The following BCL9 variants were observed in gnomAD, a reference collection of about 807,000 sequenced individuals.
BCL9 encodes the protein BCL9 transcription coactivator.
In BCL9, 25 loss-of-function variants were observed where a neutral mutation model predicts 88.5. The observed-to-expected ratio is 0.28, with a 90% CI of 0.21 to 0.39. BCL9 has a LOEUF of 0.39. BCL9 is among the 10% of genes least tolerant of loss of function. The pLI is 1.00. For missense variants in BCL9, 1,817 were observed against 1,877.8 expected (o/e 0.97, Z 0.60); for synonymous variants, 711 against 673.3 (o/e 1.06, Z -0.87).
chr1:147,605,976 T>C (rs587727609), intron 2 of BCL9, among the ~76,000 whole-genome samples: 25 of 152,358 alleles, frequency 1.6e-4, no homozygotes, highest in Middle Eastern at 3.4e-3. Context: ...TAGATTAATT[T>C]GTGAATTTAA....
At chr1:147,603,774 G>C (rs191768402) in intron 1 of BCL9, among the ~76,000 whole-genome samples, 39 of 152,142 alleles carry the variant, frequency 2.6e-4, no homozygotes, top group African/African-American at 8.4e-4. Context: ...CTCCCAAAGT[G>C]TTGGGATTGC....
intron 1 of BCL9, among the ~76,000 whole-genome samples, chr1:147,566,348 G>T (rs1553196673): frequency 6.6e-6 from 1 of 152,198 alleles, no homozygotes; most frequent in Non-Finnish European, 1.5e-5. Flanking sequence ...ATAGGCAGGA[G>T]TGGGTCTAGG....
intron 1 of BCL9, among the ~76,000 whole-genome samples, chr1:147,598,797 G>A (rs1339703915): frequency 6.6e-6 from 1 of 152,212 alleles, no homozygotes; most frequent in Non-Finnish European, 1.5e-5. Context: ...CAAGGACAGA[G>A]GTGTAACAAC....
chr1:147,583,333 A>G (rs12756655), intron 1 of BCL9, among the ~76,000 whole-genome samples: 1 of 151,972 alleles, frequency 6.6e-6, no homozygotes, highest in African/African-American at 2.4e-5. Context: ...GCTGGAGTGT[A>G]TGGGTGCAAT....
At position 147,571,426 on chromosome 1, in the gene BCL9, G is replaced by A. The variant is rs587615469; in HGVS notation, c.-478+29752G>A. ...TGTATTTTAGACATAGGCAAGAGTGGTTTCAGGTTTTCTAATCTCCAAAAA... is the reference window on the plus strand; with the variant it reads ...TGTATTTTAGACATAGGCAAGAGTGATTTCAGGTTTTCTAATCTCCAAAAA... On this transcript the variant is annotated intron_variant, in intron 1 of 9. Coordinates refer to ENST00000234739, the MANE Select transcript of BCL9 (RefSeq NM_004326.4). Among the ~76,000 whole-genome samples the A allele has an allele frequency of 1.1e-4, 16 of 152,146 alleles. No individual in the cohort carries two copies. The South Asian group carries it at 2.3e-3, about 22-fold the overall frequency.
rs782398988 is a variant in BCL9, at chr1:147,619,077, A to G, written c.922A>G (p.Thr308Ala). The G allele has an allele frequency of 1.2e-6, 2 of 1,613,168 alleles. No homozygotes were observed. Among genetic ancestry groups the G allele is most frequent in the South Asian group, 1.1e-5 (1 of 90,940 alleles). Residue 308 changes from threonine to alanine, a missense_variant, in exon 8 of 10, where the codon ACT becomes GCT. Coordinates refer to ENST00000234739, the MANE Select transcript of BCL9 (RefSeq NM_004326.4). The surrounding 1 kb of genome is among the most constrained non-coding windows in gnomAD (Gnocchi z 4.1). ...CCCAGATGGTACTGGGCCCAACTCA[A>G]CTCCCAACAATAGGGCAGTGACCCC... ...LPPDGTGPNSTPNNRAVTPVS... is the reference protein window; with the variant it reads ...LPPDGTGPNSAPNNRAVTPVS...
chr1:147,582,210 T>G (rs1432646705), intron 1 of BCL9, among the ~76,000 whole-genome samples: 1 of 152,266 alleles, frequency 6.6e-6, no homozygotes, highest in Non-Finnish European at 1.5e-5. Context: ...ATAAAACGTT[T>G]CTGTGAAAGA....
intron 1 of BCL9, among the ~76,000 whole-genome samples, chr1:147,602,648 A>G (rs1657455223): frequency 6.6e-6 from 1 of 152,224 alleles, no homozygotes; most frequent in African/African-American, 2.4e-5. Context: ...ATATAAGATG[A>G]TAATGGTTTC....
chr1:147,604,288 A>C (rs1490235425), intron 1 of BCL9, among the ~76,000 whole-genome samples: 7 of 152,182 alleles, frequency 4.6e-5, no homozygotes, highest in Non-Finnish European at 1.0e-4. Context: ...GTGGGATCCC[A>C]AGTTAAGAAC....
intron 1 of BCL9, among the ~76,000 whole-genome samples, chr1:147,550,279 A>G (rs1654827389): frequency 6.6e-6 from 1 of 152,156 alleles, no homozygotes; most frequent in Non-Finnish European, 1.5e-5. Context: ...AGTACGAACC[A>G]TGGAAGGGCC....
chr1:147,573,123 C>CA (rs1655956646), intron 1 of BCL9, among the ~76,000 whole-genome samples: 1 of 152,112 alleles, frequency 6.6e-6, no homozygotes, highest in Non-Finnish European at 1.5e-5. Flanking sequence ...ATTAGACACA[C>CA]AATAAAGACT....
chr1:147,541,951 G>C (rs2101444791), intron 1 of BCL9, among the ~76,000 whole-genome samples: 1 of 152,226 alleles, frequency 6.6e-6, no homozygotes, highest in South Asian at 2.1e-4. Flanking sequence ...AAAAGAGAGA[G>C]AGAGAGGGAG....
rs145861231 is a variant in BCL9, at chr1:147,624,836, C to G, written c.4158C>G (p.Gly1386=). 6.2e-7 allele frequency: 1 copy of G among 1,614,120 alleles called. No individual in the cohort carries two copies. Among genetic ancestry groups the G allele is most frequent in the Non-Finnish European group, 8.5e-7 (1 of 1,180,004 alleles). Residue 1386 remains glycine, a synonymous_variant, in exon 10 of 10, where the codon GGC becomes GGG. Transcript: ENST00000234739. This position sits in a 1 kb window ranked among gnomAD's most constrained non-coding sequence, Gnocchi z 4.4. ...GSPGMMMSMQ[G]MMGPQQNIMI... Reference sequence around the variant, plus strand: ...CAGGCATGATGATGTCCATGCAGGGCATGATGGGACCCCAACAGAACATCA... The same window carrying G: ...CAGGCATGATGATGTCCATGCAGGGGATGATGGGACCCCAACAGAACATCA...
chr1:147,610,957 T>C (rs1657970148), intron 3 of BCL9, among the ~76,000 whole-genome samples: 1 of 152,206 alleles, frequency 6.6e-6, no homozygotes. Context: ...ACTAGACACA[T>C]ACTTGGCATA....
intron 1 of BCL9, among the ~76,000 whole-genome samples, chr1:147,567,536 G>T (rs941283630): frequency 2.0e-5 from 3 of 152,192 alleles, no homozygotes; most frequent in African/African-American, 7.2e-5. Flanking sequence ...TTTTTAAGTC[G>T]AGCAAAAGCA....
chr1:147,578,442 G>C (rs910006242), intron 1 of BCL9, among the ~76,000 whole-genome samples: 2 of 152,178 alleles, frequency 1.3e-5, no homozygotes, highest in South Asian at 4.1e-4. Context: ...TGTGTATAAG[G>C]TGTATATGAA....
chr1:147,615,667 T>G, intron 6 of BCL9, 136 bp from the exon 7 acceptor site: 1 of 579,914 alleles, frequency 1.7e-6, no homozygotes, highest in Non-Finnish European at 3.0e-6. Flanking sequence ...TCTTGATTTC[T>G]TCTTCAACAT....
At chr1:147,592,199 T>C (rs80219350) in intron 1 of BCL9, among the ~76,000 whole-genome samples, 1,843 of 152,316 alleles carry the variant, frequency 0.012, 13 homozygotes, top group Non-Finnish European at 0.019. Flanking sequence ...GAGCAGTTGA[T>C]ACAGAACCCC....
chr1:147,552,344 A>G (rs970207009), intron 1 of BCL9, among the ~76,000 whole-genome samples: 6 of 152,210 alleles, frequency 3.9e-5, no homozygotes, highest in Non-Finnish European at 8.8e-5. Context: ...GCAGTGGCTC[A>G]CACCTGTAAT....
Sources: gnomAD v4.1 joint callset for allele counts (sites outside exome capture counted in the v4.1 genomes callset) on GRCh38, gnomAD v4.1.1 for gene constraint, Gnocchi (gnomAD v3.1) non-coding constraint, MANE v1.5 for transcripts, NCBI Gene and HGNC (gene_info 2026-07-23, HGNC 2026-07-21) for gene names.